SLC24A2: variants seen among roughly 807,000 people sequenced by gnomAD.
SLC24A2 encodes sodium/potassium/calcium exchanger 2.
SLC24A2 carries 36 observed loss-of-function variants against 62.0 expected under a neutral mutation model. The ratio of observed to expected loss-of-function variants is 0.58; its 90% confidence interval spans 0.44 to 0.77. SLC24A2 has a LOEUF of 0.77. Ranked by LOEUF, SLC24A2 falls within the 30% of genes least tolerant of loss-of-function variation. The probability of loss-of-function intolerance (pLI) is 0.00; values close to 1 mark genes in which losing one functional copy is unlikely to be tolerated. For missense variants in SLC24A2, 846 were observed against 817.9 expected, an observed-to-expected ratio of 1.03 and a Z score of -0.42; for synonymous variants, 358 against 294.0, an observed-to-expected ratio of 1.22 and a Z score of -2.23.
intron 2 of SLC24A2, among the ~76,000 whole-genome samples, chr9:19,669,525 G>A (rs1819353289): frequency 6.6e-6 from 1 of 152,206 alleles, no homozygotes; most frequent in African/African-American, 2.4e-5. Flanking sequence ...ACTCCTGTAG[G>A]TCAGAATCTT....
intron 9 of SLC24A2, among the ~76,000 whole-genome samples, chr9:19,526,448 C>A (rs941773052): frequency 6.6e-5 from 10 of 152,146 alleles, no homozygotes; most frequent in Non-Finnish European, 1.3e-4. Context: ...AGTGGCTGCA[C>A]TGTTTTACAT....
the SLC24A2 span, among the ~76,000 whole-genome samples, chr9:19,922,525 G>T: frequency 6.6e-6 from 1 of 152,164 alleles, no homozygotes; most frequent in Non-Finnish European, 1.5e-5. Context: ...GGGGACTGAG[G>T]GTTTAAAAGA....
intron 2 of SLC24A2, among the ~76,000 whole-genome samples, chr9:19,773,122 T>C (rs1482786998): frequency 6.6e-6 from 1 of 152,186 alleles, no homozygotes; most frequent in Non-Finnish European, 1.5e-5. Flanking sequence ...AAATCTATAC[T>C]GACAAAGTAG....
the SLC24A2 span, among the ~76,000 whole-genome samples, chr9:20,212,316 G>GA: frequency 2.0e-5 from 3 of 150,566 alleles, no homozygotes; most frequent in Admixed American, 6.6e-5. Context: ...ATATACAAAG[G>GA]AAAAAAAAAT....
At chr9:19,941,251 C>T in the SLC24A2 span, among the ~76,000 whole-genome samples, 2 of 150,324 alleles carry the variant, frequency 1.3e-5, no homozygotes, top group African/African-American at 4.9e-5. Flanking sequence ...TAAAAAAAAT[C>T]TGAAAATAAA....
chr9:20,153,673 C>T, the SLC24A2 span, among the ~76,000 whole-genome samples: 1 of 151,540 alleles, frequency 6.6e-6, no homozygotes, highest in Non-Finnish European at 1.5e-5. Flanking sequence ...TATAACACTT[C>T]TTCAGTTTCT....
At chr9:19,733,103 G>A (rs1039550495) in intron 2 of SLC24A2, among the ~76,000 whole-genome samples, 3 of 148,438 alleles carry the variant, frequency 2.0e-5, no homozygotes, top group Non-Finnish European at 3.0e-5. Flanking sequence ...TTTTAAACAC[G>A]CTGGGCATGT....
At chr9:20,103,444 C>G in the SLC24A2 span, among the ~76,000 whole-genome samples, 2 of 152,154 alleles carry the variant, frequency 1.3e-5, no homozygotes, top group Non-Finnish European at 2.9e-5. Context: ...CTGGGAGGCA[C>G]CCCCCAGCAG....
the SLC24A2 span, among the ~76,000 whole-genome samples, chr9:19,854,246 A>G: frequency 6.6e-6 from 1 of 152,136 alleles, no homozygotes; most frequent in African/African-American, 2.4e-5. Context: ...TTTTTCAAAA[A>G]ACAGGTTCCT....
chr9:20,042,208 A>G, the SLC24A2 span, among the ~76,000 whole-genome samples: 2 of 152,234 alleles, frequency 1.3e-5, no homozygotes, highest in Non-Finnish European at 1.5e-5. Flanking sequence ...GGCAGCCTCT[A>G]AGTATATTTA....
chr9:19,889,702 T>C, the SLC24A2 span, among the ~76,000 whole-genome samples: 1 of 152,220 alleles, frequency 6.6e-6, no homozygotes, highest in Non-Finnish European at 1.5e-5. Context: ...CATGAATTGA[T>C]GGCCCTGGCA....
In SLC24A2 at chr9:19,513,734, T is replaced by G. The variant is rs1240822921; in HGVS notation, c.*2419A>C. On this transcript the variant is annotated 3_prime_UTR_variant, in exon 11 of 11. Transcript: ENST00000341998. ...TGTTTGCAGTTGAGTCAGTCACCTATTTAAACCTTATTTCAAACAACGCAC... is the reference window on the plus strand; with the variant it reads ...TGTTTGCAGTTGAGTCAGTCACCTAGTTAAACCTTATTTCAAACAACGCAC... 1 of 152,194 alleles carries G rather than the reference T, an allele frequency of 6.6e-6. No homozygotes were observed. The highest frequency in any genetic ancestry group is 1.5e-5 in the Non-Finnish European group (1 of 68,038). The allele number at this position is 152,194 out of a possible 1,614,324, so 9.4% of individuals were successfully genotyped here. A position where few individuals can be genotyped will look rare whatever the true frequency, so the allele number is the denominator to read the frequency against.
the SLC24A2 span, among the ~76,000 whole-genome samples, chr9:19,920,624 G>A: frequency 6.6e-6 from 1 of 152,170 alleles, no homozygotes; most frequent in African/African-American, 2.4e-5. Context: ...GCAGTGAGCT[G>A]GTATTTATCT....
At chr9:19,605,147 C>T (rs940443615) in intron 4 of SLC24A2, among the ~76,000 whole-genome samples, 2 of 152,152 alleles carry the variant, frequency 1.3e-5, no homozygotes, top group African/African-American at 2.4e-5. Context: ...GATCTGGTTA[C>T]GCAGGAGGAG....
intron 7 of SLC24A2, among the ~76,000 whole-genome samples, chr9:19,558,897 G>A (rs902703132): frequency 1.3e-5 from 2 of 152,170 alleles, no homozygotes; most frequent in Non-Finnish European, 2.9e-5. Flanking sequence ...GTGTGTGGGA[G>A]GCTCCTAGGA....
At chr9:20,207,132 C>T in the SLC24A2 span, among the ~76,000 whole-genome samples, 2 of 152,174 alleles carry the variant, frequency 1.3e-5, no homozygotes, top group East Asian at 3.8e-4. Flanking sequence ...ATGAATGAAT[C>T]TTTCAACTTT....
chr9:20,306,567 G>C, the SLC24A2 span, among the ~76,000 whole-genome samples: 1 of 152,232 alleles, frequency 6.6e-6, no homozygotes, highest in Non-Finnish European at 1.5e-5. Flanking sequence ...CCTCTGGCGG[G>C]ATTACCAGCC....
chr9:19,993,532 C>T, the SLC24A2 span, among the ~76,000 whole-genome samples: 8 of 152,234 alleles, frequency 5.3e-5, no homozygotes, highest in South Asian at 2.1e-4. Flanking sequence ...TTATTCATTC[C>T]GAACATTAAA....
chr9:19,828,312 G>A, the SLC24A2 span, among the ~76,000 whole-genome samples: 1 of 152,010 alleles, frequency 6.6e-6, no homozygotes, highest in African/African-American at 2.4e-5. Context: ...CAAAGAAATG[G>A]TACATGATTA....
Sources: allele counts gnomAD v4.1 joint callset (sites outside exome capture counted in the v4.1 genomes callset), GRCh38; gene constraint gnomAD v4.1.1; transcripts MANE v1.5; gene names NCBI Gene and HGNC (gene_info 2026-07-23, HGNC 2026-07-21).